The following GSG1L variants were observed in gnomAD, a reference collection of about 807,000 sequenced individuals.
GSG1L encodes the protein germ cell-specific gene 1-like protein.
GSG1L carries 24 observed loss-of-function variants against 42.1 expected under a neutral mutation model. The observed-to-expected ratio is 0.57, with a 90% CI of 0.41 to 0.80. The LOEUF (loss-of-function observed/expected upper bound fraction) is 0.80, where lower values mean the gene tolerates loss of function less well. GSG1L is among the 30% of genes least tolerant of loss of function. GSG1L has a pLI of 0.00. For synonymous variants in GSG1L, 215 were observed against 203.5 expected (o/e 1.06, Z -0.48); for missense variants, 445 against 472.2 (o/e 0.94, Z 0.53).
chr16:27,917,411 G>T (rs2084470579), intron 2 of GSG1L, among the ~76,000 whole-genome samples: 1 of 151,772 alleles, frequency 6.6e-6, no homozygotes, highest in Non-Finnish European at 1.5e-5. Flanking sequence ...GGATGTAGGG[G>T]GAATGAGCAG....
chr16:27,854,155 C>T lies in GSG1L; in HGVS notation c.551-9094G>A, dbSNP rs367842977. ...CTGGAGATCAGCTAAAGTTGCTCGCCTGGAGGGGACTGGGACGCAGGGGAG... is the reference window on the plus strand; with the variant it reads ...CTGGAGATCAGCTAAAGTTGCTCGCTTGGAGGGGACTGGGACGCAGGGGAG... On this transcript the variant is annotated intron_variant, in intron 3 of 6. Transcript: ENST00000447459. Among the ~76,000 whole-genome samples the T allele has an allele frequency of 3.3e-5, 5 of 149,352 alleles. 1 individual carries two copies. Among genetic ancestry groups the T allele is most frequent in the East Asian group, 4.0e-4 (2 of 4,994 alleles).
chr16:27,814,046 ATGTTCACTACTGCTATCTT>A (rs2083064729), intron 5 of GSG1L, among the ~76,000 whole-genome samples: 1 of 152,218 alleles, frequency 6.6e-6, no homozygotes, highest in Non-Finnish European at 1.5e-5. Context: ...GGCTCAGAGC[ATGTTCACTACTGCTATCTT>A]TAAACTTCTC....
chr16:28,063,122 G>A lies in GSG1L; in HGVS notation c.303C>T (p.Phe101=). 6.9e-7 allele frequency: 1 copy of A among 1,441,904 alleles called. No homozygotes were observed. Among genetic ancestry groups the A allele is most frequent in the Non-Finnish European group, 9.2e-7 (1 of 1,092,334 alleles). The allele number at this position is 1,441,904 out of a possible 1,614,324, so 89.3% of individuals were successfully genotyped here. A position where few individuals can be genotyped will look rare whatever the true frequency, so the allele number is the denominator to read the frequency against. Residue 101 remains phenylalanine, a synonymous_variant, in exon 1 of 7, where the codon TTC becomes TTT. Transcript: ENST00000447459. The surrounding 1 kb of genome is among the most constrained non-coding windows in gnomAD (Gnocchi z 5.8). ...TGDDRFLFRN[F]HTGIWYSCEE... is the part of the protein sequence containing the mutation. ...CGCACGAGTACCAGATGCCGGTGTG[G>A]AAATTCCTGAAGAGGAAGCGGTCGT...
At chr16:28,046,446 C>T (rs937244317) in intron 1 of GSG1L, among the ~76,000 whole-genome samples, 5 of 146,938 alleles carry the variant, frequency 3.4e-5, no homozygotes, top group East Asian at 4.1e-4. Flanking sequence ...CTCCGCCTCC[C>T]GGGTTCAAGC....
At chr16:27,840,274 C>T (rs1377324402) in intron 4 of GSG1L, among the ~76,000 whole-genome samples, 5 of 152,048 alleles carry the variant, frequency 3.3e-5, no homozygotes, top group South Asian at 2.1e-4. Context: ...TGGCCTCTGG[C>T]GATTCTCCCA....
intron 2 of GSG1L, among the ~76,000 whole-genome samples, chr16:27,938,998 G>T (rs1037471961): frequency 3.3e-5 from 5 of 152,202 alleles, no homozygotes; most frequent in Non-Finnish European, 7.3e-5. Context: ...TCATTGCTGT[G>T]CAGTGGGGAC....
intron 2 of GSG1L, among the ~76,000 whole-genome samples, chr16:27,945,023 G>A (rs1324831219): frequency 6.8e-6 from 1 of 146,358 alleles, no homozygotes; most frequent in Admixed American, 6.9e-5. Flanking sequence ...GCTGGAGTGA[G>A]TTATGATTGT....
chr16:27,840,029 A>T (rs2083362291), intron 4 of GSG1L, among the ~76,000 whole-genome samples: 1 of 127,600 alleles, frequency 7.8e-6, no homozygotes, highest in African/African-American at 3.2e-5. Context: ...TAGTAACCTT[A>T]ATCTTTTTTT....
At chr16:27,889,721 AC>A (rs1367815476) in intron 2 of GSG1L, among the ~76,000 whole-genome samples, 4 of 152,022 alleles carry the variant, frequency 2.6e-5, no homozygotes, top group African/African-American at 9.7e-5. Flanking sequence ...GCCTGACAGC[AC>A]CCCTTGCTTT....
At chr16:27,911,225 A>G (rs1453515330) in intron 2 of GSG1L, among the ~76,000 whole-genome samples, 1 of 137,102 alleles carries the variant, frequency 7.3e-6, no homozygotes, top group Non-Finnish European at 1.6e-5. Context: ...GCCCAGTACA[A>G]TCTGGCCTCC....
chr16:27,824,557 G>A (rs78205317), intron 5 of GSG1L, among the ~76,000 whole-genome samples: 2 of 129,330 alleles, frequency 1.5e-5, no homozygotes, highest in Non-Finnish European at 3.3e-5. Flanking sequence ...AAAAAAAAAA[G>A]AAAAAAGGAA....
chr16:27,911,881 A>G, intron 2 of GSG1L, among the ~76,000 whole-genome samples: 1 of 152,034 alleles, frequency 6.6e-6, no homozygotes, highest in East Asian at 1.9e-4. Flanking sequence ...CTGACAACTT[A>G]CTTTTTTGAA....
intron 2 of GSG1L, among the ~76,000 whole-genome samples, chr16:27,956,742 T>A (rs2085009255): frequency 1.3e-5 from 2 of 151,560 alleles, no homozygotes. Flanking sequence ...CCAGCCTATA[T>A]CCTGGAACCA....
intron 1 of GSG1L, among the ~76,000 whole-genome samples, chr16:27,991,694 C>T (rs1411677408): frequency 1.3e-5 from 2 of 152,170 alleles, no homozygotes; most frequent in African/African-American, 2.4e-5. Context: ...CATGAGCCAC[C>T]GTGCCTGGCC....
chr16:27,876,173 C>T (rs1271484951), intron 3 of GSG1L, among the ~76,000 whole-genome samples: 3 of 152,090 alleles, frequency 2.0e-5, no homozygotes, highest in Admixed American at 2.0e-4. Flanking sequence ...AGCAAGAAAC[C>T]AAGTCTGCCA....
At chr16:27,823,528 C>G (rs1162260460) in intron 5 of GSG1L, among the ~76,000 whole-genome samples, 2 of 152,110 alleles carry the variant, frequency 1.3e-5, no homozygotes, top group Non-Finnish European at 2.9e-5. Context: ...CAGGGCACTA[C>G]CTTGTCGCTG....
chr16:28,032,174 C>G (rs1567562723), intron 1 of GSG1L, among the ~76,000 whole-genome samples: 1 of 152,138 alleles, frequency 6.6e-6, no homozygotes, highest in Non-Finnish European at 1.5e-5. Flanking sequence ...GCTGGAGATG[C>G]ACGAACATGA....
At position 28,059,489 on chromosome 16, in the gene GSG1L, A is replaced by T. The variant is rs1303174890; in HGVS notation, c.349+3587T>A. Among the ~76,000 whole-genome samples, 1 of 79,188 alleles carries T rather than the reference A, an allele frequency of 1.3e-5. No individual in the cohort carries two copies. Among genetic ancestry groups the T allele is most frequent in the Non-Finnish European group, 2.7e-5 (1 of 37,296 alleles). 52.0% of individuals were successfully genotyped at this position (79,188 alleles called of 152,430 possible). On this transcript the variant is annotated intron_variant, in intron 1 of 6. Transcript: ENST00000447459. This position sits in a 1 kb window ranked among gnomAD's most constrained non-coding sequence, Gnocchi z 4.4. ...CCCCAAGACCCCTCCACCTCCCCCCAATCTTCCCAAGCCACCCCTTTCCTG... is the reference window on the plus strand; with the variant it reads ...CCCCAAGACCCCTCCACCTCCCCCCTATCTTCCCAAGCCACCCCTTTCCTG...
At chr16:27,901,187 G>A (rs768401680) in intron 2 of GSG1L, among the ~76,000 whole-genome samples, 3 of 152,154 alleles carry the variant, frequency 2.0e-5, no homozygotes, top group Non-Finnish European at 2.9e-5. Context: ...GATTGACACA[G>A]GATATAACAA....
Sources: allele counts gnomAD v4.1 joint callset (sites outside exome capture counted in the v4.1 genomes callset), GRCh38; gene constraint gnomAD v4.1.1; non-coding constraint Gnocchi (gnomAD v3.1); transcripts MANE v1.5; gene names NCBI Gene and HGNC (gene_info 2026-07-23, HGNC 2026-07-21).